The following KCNIP1 variants were observed in gnomAD, a reference collection of about 807,000 sequenced individuals.
The protein encoded by KCNIP1 is A-type potassium channel modulatory protein KCNIP1.
KCNIP1 carries 18 observed loss-of-function variants against 33.0 expected under a neutral mutation model. The ratio of observed to expected loss-of-function variants is 0.55; its 90% CI spans 0.38 to 0.81. KCNIP1 has a LOEUF of 0.81. KCNIP1 is among the 30% of genes least tolerant of loss of function. The pLI, the probability that KCNIP1 is intolerant of heterozygous loss-of-function variation, is 0.00. For synonymous variants in KCNIP1, 93 were observed against 98.3 expected (o/e 0.95, Z 0.32); for missense variants, 238 against 271.6 (o/e 0.88, Z 0.87).
At chr5:170,561,025 G>A in intron 1 of KCNIP1, 1 of 447,456 alleles carries the variant, frequency 2.2e-6, no homozygotes, top group Non-Finnish European at 4.5e-6. Context: ...GGGCATCCGT[G>A]CCATCCAACG....
At chr5:170,478,863 T>C (rs774864078) in intron 1 of KCNIP1, among the ~76,000 whole-genome samples, 3 of 151,406 alleles carry the variant, frequency 2.0e-5, no homozygotes, top group Non-Finnish European at 4.4e-5. Flanking sequence ...CCAATATAGA[T>C]CTAAGTTTCA....
Position 170,473,295 on chromosome 5 carries a change from G to C in KCNIP1, c.88+119331G>C, listed in dbSNP as rs115657394. On this transcript the variant is annotated intron_variant, in intron 1 of 7. Coordinates refer to the KCNIP1 transcript ENST00000377360. ...GCAGACGCTGTGCCAAGGATGTCAT[G>C]TTGTCATATGTATTAGCTGGCTAAA... Among the ~76,000 whole-genome samples, 743 of 152,300 alleles carry C rather than the reference G, an allele frequency of 4.9e-3. 7 individuals are homozygous for C. Among genetic ancestry groups the C allele is most frequent in the African/African-American group, 0.017 (686 of 41,564 alleles).
At chr5:170,673,292 T>C (rs560317911) in intron 1 of KCNIP1, among the ~76,000 whole-genome samples, 1 of 152,380 alleles carries the variant, frequency 6.6e-6, no homozygotes, top group South Asian at 2.1e-4. Context: ...GTTCAAATTC[T>C]AGTTCTACCA....
intron 1 of KCNIP1, among the ~76,000 whole-genome samples, chr5:170,443,856 G>A (rs1756048658): frequency 6.6e-6 from 1 of 152,206 alleles, no homozygotes. Flanking sequence ...CTCCAGAAAT[G>A]GGCAGGAAGT....
At chr5:170,451,276 T>C (rs1463240274) in intron 1 of KCNIP1, among the ~76,000 whole-genome samples, 4 of 152,182 alleles carry the variant, frequency 2.6e-5, no homozygotes, top group African/African-American at 9.7e-5. Flanking sequence ...TACCAATGTT[T>C]ATAATGTTGG....
chr5:170,695,967 C>T (rs1322926186), intron 1 of KCNIP1, among the ~76,000 whole-genome samples: 1 of 149,416 alleles, frequency 6.7e-6, no homozygotes, highest in South Asian at 2.1e-4. Flanking sequence ...TGCAGTGAGC[C>T]GAGATTGCAC....
At chr5:170,389,239 C>T (rs1764611718) in intron 1 of KCNIP1, 1 of 152,250 alleles carries the variant, frequency 6.6e-6, no homozygotes. Context: ...TTCCCAAGTG[C>T]TTTCAGGCCC....
chr5:170,587,607 T>G (rs1301940753), intron 1 of KCNIP1, among the ~76,000 whole-genome samples: 3 of 152,066 alleles, frequency 2.0e-5, no homozygotes, highest in Non-Finnish European at 4.4e-5. Flanking sequence ...TCACATTCCT[T>G]GTCTCACGGC....
intron 1 of KCNIP1, among the ~76,000 whole-genome samples, chr5:170,709,484 A>G (rs909016607): frequency 1.2e-4 from 19 of 152,290 alleles, no homozygotes; most frequent in Admixed American, 1.0e-3. Flanking sequence ...TTGTGTTTGC[A>G]TGGTATATCC....
At chr5:170,548,023 G>A (rs1019373418) in intron 1 of KCNIP1, among the ~76,000 whole-genome samples, 3 of 151,952 alleles carry the variant, frequency 2.0e-5, no homozygotes, top group Non-Finnish European at 4.4e-5. Context: ...GCACAACCTC[G>A]CCAGCATCTG....
At chr5:170,631,189 G>A (rs1392217527) in intron 1 of KCNIP1, among the ~76,000 whole-genome samples, 1 of 152,126 alleles carries the variant, frequency 6.6e-6, no homozygotes, top group East Asian at 1.9e-4. Flanking sequence ...CAGTGTGTAG[G>A]GGCTGTTGTC....
At chr5:170,687,106 C>T (rs969473001) in intron 1 of KCNIP1, among the ~76,000 whole-genome samples, 1 of 151,880 alleles carries the variant, frequency 6.6e-6, no homozygotes, top group East Asian at 1.9e-4. Flanking sequence ...TCTGGCTGCT[C>T]GTCAATCACT....
intron 1 of KCNIP1, among the ~76,000 whole-genome samples, chr5:170,682,114 G>A (rs761857697): frequency 2.6e-5 from 4 of 152,142 alleles, no homozygotes; most frequent in Admixed American, 6.6e-5. Flanking sequence ...TGTAGACAAA[G>A]GACTAGCTAA....
In KCNIP1 at chr5:170,504,291, GC is replaced by G; in HGVS notation, c.-279del. 7.5e-7 allele frequency: 1 copy of G among 1,326,618 alleles called. No homozygotes were observed. The highest frequency in any genetic ancestry group is 9.6e-7 in the Non-Finnish European group (1 of 1,040,384). The allele number at this position is 1,326,618 out of a possible 1,614,324, so 82.2% of individuals were successfully genotyped here. The stretch of plus-strand genomic sequence containing the variant: ...GGCAGGCTTCAGGGCACCGTCCTCG[GC>G]CCTGGGCGAGGGAACCGCCGGGCCG... On this transcript the variant is annotated 5_prime_UTR_variant, in exon 1 of 8. The change abolishes the stop of an existing upstream ORF in the 5' untranslated region. Coordinates refer to ENST00000328939, the MANE Select transcript of KCNIP1 (RefSeq NM_014592.4). This position sits in a 1 kb window ranked among gnomAD's most constrained non-coding sequence, Gnocchi z 6.0.
intron 1 of KCNIP1, among the ~76,000 whole-genome samples, chr5:170,467,676 G>C (rs574355008): frequency 6.6e-6 from 1 of 152,094 alleles, no homozygotes; most frequent in African/African-American, 2.4e-5. Flanking sequence ...CCAGGGCTTC[G>C]AGAGGCCGAG....
chr5:170,520,634 T>C (rs895248305), intron 1 of KCNIP1, among the ~76,000 whole-genome samples: 6 of 152,186 alleles, frequency 3.9e-5, no homozygotes, highest in Non-Finnish European at 7.3e-5. Context: ...AGAGAAAGGC[T>C]GTAGGAAGAT....
intron 1 of KCNIP1, among the ~76,000 whole-genome samples, chr5:170,636,972 C>T (rs1329417502): frequency 6.6e-6 from 1 of 152,124 alleles, no homozygotes; most frequent in African/African-American, 2.4e-5. Flanking sequence ...AAATCCACCT[C>T]CAAGTCCACA....
At chr5:170,726,745 C>CAAAAAA (rs57173351) in intron 5 of KCNIP1, among the ~76,000 whole-genome samples, 931 of 56,630 alleles carry the variant, frequency 0.016, 25 homozygotes, top group Non-Finnish European at 0.025. Flanking sequence ...ACTAAAAATA[C>CAAAAAA]AAAAAAAAAA....
rs753131983 is a variant in KCNIP1, at chr5:170,367,412, A to AGGAAG, written c.88+13449_88+13450insGAAGG. Among the ~76,000 whole-genome samples, 11 of 104,112 alleles carry AGGAAG rather than the reference A, an allele frequency of 1.1e-4. No homozygotes were observed. The East Asian group carries it at 1.8e-3, about 17-fold the overall frequency. The allele number at this position is 104,112 out of a possible 152,430, so 68.3% of individuals were successfully genotyped here. A position where few individuals can be genotyped will look rare whatever the true frequency, so the allele number is the denominator to read the frequency against. On this transcript the variant is annotated intron_variant, in intron 1 of 7. Transcript: ENST00000377360. ...AAGAAAGAAAGAAAGAAAGAAAGAA[A>AGGAAG]GAAAGAAAGGAAAGAAAGAAAGAAA... is the stretch of plus-strand genomic sequence containing the variant.
Sources: allele counts gnomAD v4.1 joint callset (sites outside exome capture counted in the v4.1 genomes callset), GRCh38; gene constraint gnomAD v4.1.1; non-coding constraint Gnocchi (gnomAD v3.1); transcripts MANE v1.5; gene names NCBI Gene and HGNC (gene_info 2026-07-23, HGNC 2026-07-21).